The following TRMT9B variants were observed in gnomAD, a reference collection of about 807,000 sequenced individuals.
TRMT9B encodes the protein probable tRNA methyltransferase 9B.
In TRMT9B, 16 loss-of-function variants were observed where a neutral mutation model predicts 11.5. The observed-to-expected ratio is 1.39, with a 90% CI of 0.94 to 2.11. TRMT9B has a LOEUF of 2.11. TRMT9B is among the 30% of genes most tolerant of loss of function. The probability of loss-of-function intolerance (pLI) is 0.00; values close to 1 mark genes in which losing one functional copy is unlikely to be tolerated. For missense variants in TRMT9B, 941 were observed against 553.8 expected (o/e 1.70, Z -7.02); for synonymous variants, 274 against 192.4 (o/e 1.42, Z -3.51).
In TRMT9B at chr8:13,027,029, C is replaced by G. The variant is rs1814767231; in HGVS notation, c.*4985C>G. The G allele has an allele frequency of 6.0e-6, 1 of 166,962 alleles. No individual in the cohort carries two copies. The highest frequency in any genetic ancestry group is 1.9e-4 in the East Asian group (1 of 5,198). The allele number at this position is 166,962 out of a possible 1,614,324, so 10.3% of individuals were successfully genotyped here. A position where few individuals can be genotyped will look rare whatever the true frequency, so the allele number is the denominator to read the frequency against. The stretch of plus-strand genomic sequence containing the variant: ...TTCTTGGTTGCAAAATATTCTGGGA[C>G]CACTTTTCTCCAACTCTTCAACCTT... On this transcript the variant is annotated 3_prime_UTR_variant, in exon 5 of 5. Coordinates refer to ENST00000524591, the MANE Select transcript of TRMT9B (RefSeq NM_020844.3).
intron 2 of TRMT9B, among the ~76,000 whole-genome samples, chr8:12,995,605 A>T (rs1808198026): frequency 6.6e-6 from 1 of 151,830 alleles, no homozygotes; most frequent in African/African-American, 2.4e-5. Context: ...TTCTGTCTTG[A>T]TCCTTTTCTT....
At chr8:12,959,039 C>G (rs182079875) in intron 1 of TRMT9B, among the ~76,000 whole-genome samples, 1 of 152,018 alleles carries the variant, frequency 6.6e-6, no homozygotes, top group South Asian at 2.1e-4. Flanking sequence ...ACATGTATAC[C>G]TATGTAACAA....
chr8:13,008,462 G>T (rs1211641203), intron 3 of TRMT9B, among the ~76,000 whole-genome samples: 2 of 152,184 alleles, frequency 1.3e-5, no homozygotes, highest in African/African-American at 2.4e-5. Context: ...CAAATATTTT[G>T]CTGCACTGTG....
chr8:12,995,832 C>G (rs1207822685), intron 2 of TRMT9B, among the ~76,000 whole-genome samples: 1 of 152,112 alleles, frequency 6.6e-6, no homozygotes, highest in Non-Finnish European at 1.5e-5. Flanking sequence ...ATTTTATTCT[C>G]TGCAGACTAA....
At chr8:12,982,125 G>T (rs372959025) in intron 1 of TRMT9B, among the ~76,000 whole-genome samples, 29 of 152,284 alleles carry the variant, frequency 1.9e-4, no homozygotes, top group African/African-American at 6.7e-4. Context: ...TTGCCCTCAA[G>T]TAAAAAATCA....
chr8:12,962,075 CTACCATTAA>C (rs1470157298), intron 1 of TRMT9B: 2 of 152,290 alleles, frequency 1.3e-5, no homozygotes, highest in Non-Finnish European at 2.9e-5. Context: ...CTCCAACCTT[CTACCATTAA>C]TGTTTTGTCC....
At chr8:12,966,289 G>C (rs559383430) in intron 1 of TRMT9B, among the ~76,000 whole-genome samples, 1 of 152,278 alleles carries the variant, frequency 6.6e-6, no homozygotes, top group East Asian at 1.9e-4. Context: ...CAGGGTGTGG[G>C]CGGGGGGAAG....
At chr8:12,953,017 C>T (rs1257671499) in intron 1 of TRMT9B, among the ~76,000 whole-genome samples, 1 of 152,044 alleles carries the variant, frequency 6.6e-6, no homozygotes, top group Non-Finnish European at 1.5e-5. Context: ...GGATTACAGG[C>T]GTGAGCCACC....
At chr8:12,983,389 G>C (rs1247768333) in intron 1 of TRMT9B, among the ~76,000 whole-genome samples, 4 of 152,164 alleles carry the variant, frequency 2.6e-5, no homozygotes, top group Non-Finnish European at 4.4e-5. Flanking sequence ...CATCTAGCAG[G>C]CTGGGTACAG....
chr8:13,021,074 T>C lies in TRMT9B; in HGVS notation c.395T>C (p.Val132Ala), dbSNP rs1813741654. ...ATAAAAGAAATGGCCAGGGTCTTAG[T>C]TCCCGGAGGCCAACTGATGATTTAC... ...RAIKEMARVL[V>A]PGGQLMIYVW... Residue 132 changes from valine (V) to alanine (A), a missense_variant, in exon 5 of 5, where the codon GTT becomes GCT. By Grantham distance (64) the Val-to-Ala change is moderately conservative (BLOSUM62 0). Coordinates refer to ENST00000524591, the MANE Select transcript of TRMT9B (RefSeq NM_020844.3). The C allele has an allele frequency of 6.2e-7, 1 of 1,603,412 alleles. No individual in the cohort carries two copies. The highest frequency in any genetic ancestry group is 1.3e-5 in the African/African-American group (1 of 74,814).
At chr8:12,975,505 G>C (rs1183381883) in intron 1 of TRMT9B, among the ~76,000 whole-genome samples, 1 of 152,138 alleles carries the variant, frequency 6.6e-6, no homozygotes, top group Non-Finnish European at 1.5e-5. Context: ...GGGAGGCTGA[G>C]GCAAGCAGAT....
At chr8:13,006,792 C>A in intron 3 of TRMT9B, 2 of 453,970 alleles carry the variant, frequency 4.4e-6, no homozygotes, top group Non-Finnish European at 6.5e-6. Flanking sequence ...CCTCAGACTC[C>A]CAAATAGCTA....
In TRMT9B at chr8:12,956,249, T is replaced by C. The variant is rs1162351876; in HGVS notation, c.-200+10283T>C. Among the ~76,000 whole-genome samples the C allele has an allele frequency of 3.3e-5, 5 of 152,180 alleles. No homozygotes were observed. The East Asian group carries it at 9.6e-4, about 29-fold the overall frequency. On this transcript the variant is annotated intron_variant, in intron 1 of 4. Coordinates refer to ENST00000524591, the MANE Select transcript of TRMT9B (RefSeq NM_020844.3). ...CAATCCATCATGCCTAACACATATC[T>C]AAAATATATTTCATCCGAGATTTGG...
At chr8:12,985,299 A>G (rs920619860) in intron 1 of TRMT9B, among the ~76,000 whole-genome samples, 3 of 152,190 alleles carry the variant, frequency 2.0e-5, no homozygotes, top group South Asian at 2.1e-4. Context: ...TGTTCTGCTC[A>G]TAGGATTTCA....
At chr8:13,010,748 A>G (rs1811435296) in intron 3 of TRMT9B, 1 of 984,366 alleles carries the variant, frequency 1.0e-6, no homozygotes, top group South Asian at 4.7e-5. Context: ...GAGCCAATGA[A>G]AAAGCAAATG....
intron 2 of TRMT9B, among the ~76,000 whole-genome samples, chr8:12,991,270 T>C (rs113246282): frequency 1.4e-4 from 21 of 152,360 alleles, no homozygotes; most frequent in East Asian, 5.8e-4. Flanking sequence ...AATACTTTTG[T>C]AGGACTTAAA....
chr8:12,969,702 TAC>T (rs1404185709), intron 1 of TRMT9B, among the ~76,000 whole-genome samples: 1 of 152,010 alleles, frequency 6.6e-6, no homozygotes, highest in African/African-American at 2.4e-5. Context: ...TGTCTCTCTA[TAC>T]CGCAGGCTGG....
intron 1 of TRMT9B, chr8:12,952,763 G>GAGA: frequency 6.1e-6 from 5 of 818,698 alleles, no homozygotes; most frequent in Non-Finnish European, 7.4e-6. Flanking sequence ...GTTGTTTGAC[G>GAGA]GAGTCTCTCT....
chr8:12,966,654 G>T (rs10108595), intron 1 of TRMT9B, among the ~76,000 whole-genome samples: 3,943 of 152,238 alleles, frequency 0.026, 175 homozygotes, highest in African/African-American at 0.09. Flanking sequence ...TATTTAGCCT[G>T]GGACTTCTTT....
Sources: allele counts gnomAD v4.1 joint callset (sites outside exome capture counted in the v4.1 genomes callset), GRCh38; gene constraint gnomAD v4.1.1; transcripts MANE v1.5; gene names NCBI Gene and HGNC (gene_info 2026-07-23, HGNC 2026-07-21).